MTRF1: variants seen among roughly 807,000 people sequenced by gnomAD.
The protein encoded by MTRF1 is peptide chain release factor 1, mitochondrial.
In MTRF1, 51 loss-of-function variants were observed where a neutral mutation model predicts 62.9. The observed-to-expected ratio is 0.81, with a 90% CI of 0.65 to 1.02. MTRF1 has a LOEUF of 1.02. MTRF1 is among the 50% of genes least tolerant of loss of function. MTRF1 has a pLI of 0.00. For missense variants in MTRF1, 446 were observed against 530.0 expected, an observed-to-expected ratio of 0.84 and a Z score of 1.56; for synonymous variants, 158 against 181.9, an observed-to-expected ratio of 0.87 and a Z score of 1.06.
At chr13:41,266,421 A>C (rs2048690788), upstream of MTRF1, among the ~76,000 whole-genome samples, 1 of 151,278 alleles carries the variant, frequency 6.6e-6, no homozygotes, top group African/African-American at 2.4e-5. Context: ...AGACCACCCT[A>C]GTCAACACGG....
At chr13:41,232,178 A>AT (rs1347427964) in intron 7 of MTRF1, among the ~76,000 whole-genome samples, 1 of 152,002 alleles carries the variant, frequency 6.6e-6, no homozygotes, top group African/African-American at 2.4e-5. Context: ...ACTAAAATTA[A>AT]TATCCTTCAG....
chr13:41,278,549 G>A, the MTRF1 span, among the ~76,000 whole-genome samples: 4 of 152,250 alleles, frequency 2.6e-5, no homozygotes, highest in African/African-American at 9.6e-5. Flanking sequence ...GTGTGAATTG[G>A]CCTTATGTTC....
At chr13:41,279,918 A>G in the MTRF1 span, among the ~76,000 whole-genome samples, 1 of 151,992 alleles carries the variant, frequency 6.6e-6, no homozygotes, top group East Asian at 1.9e-4. Flanking sequence ...CTGCAAAGTA[A>G]AATTTGGTCT....
At chr13:41,310,856 T>C in the MTRF1 span, among the ~76,000 whole-genome samples, 48 of 152,350 alleles carry the variant, frequency 3.2e-4, no homozygotes, top group African/African-American at 1.1e-3. Flanking sequence ...CAAAAAACTC[T>C]GACTCTTCAG....
At chr13:41,244,503 A>C (rs1351947945) in intron 5 of MTRF1, among the ~76,000 whole-genome samples, 4 of 152,304 alleles carry the variant, frequency 2.6e-5, no homozygotes, top group South Asian at 4.1e-4. Flanking sequence ...AGGCAGCCTC[A>C]AGGGTGGCCC....
the MTRF1 span, among the ~76,000 whole-genome samples, chr13:41,294,160 C>T: frequency 1.8e-4 from 28 of 152,070 alleles, no homozygotes; most frequent in African/African-American, 6.5e-4. Flanking sequence ...TGGCTTATAC[C>T]TGTAATCCCA....
the MTRF1 span, among the ~76,000 whole-genome samples, chr13:41,303,717 G>A: frequency 6.6e-6 from 1 of 152,166 alleles, no homozygotes; most frequent in Non-Finnish European, 1.5e-5. Flanking sequence ...TAGCCTCTAG[G>A]TTAACGGAAC....
chr13:41,262,381 A>C (rs2040567675), intron 1 of MTRF1: 1 of 152,048 alleles, frequency 6.6e-6, no homozygotes, highest in Non-Finnish European at 1.5e-5. Flanking sequence ...ATGTTAATAA[A>C]ATGATCTCTA....
chr13:41,294,822 T>C, the MTRF1 span, among the ~76,000 whole-genome samples: 5 of 152,196 alleles, frequency 3.3e-5, no homozygotes, highest in African/African-American at 1.2e-4. Flanking sequence ...TGGCTATAAT[T>C]AAAGGAAATT....
intron 7 of MTRF1, among the ~76,000 whole-genome samples, chr13:41,231,250 G>A (rs954144795): frequency 6.6e-6 from 1 of 152,220 alleles, no homozygotes; most frequent in Admixed American, 6.5e-5. Flanking sequence ...GCCCTGCTAA[G>A]TGCCAGAAAG....
the MTRF1 span, among the ~76,000 whole-genome samples, chr13:41,297,361 C>G: frequency 6.6e-6 from 1 of 152,170 alleles, no homozygotes; most frequent in African/African-American, 2.4e-5. Flanking sequence ...TTACAATCTC[C>G]AAGGTTTCAA....
chr13:41,271,091 A>ACAC, the MTRF1 span, among the ~76,000 whole-genome samples: 71 of 137,210 alleles, frequency 5.2e-4, no homozygotes, highest in African/African-American at 1.8e-3. Flanking sequence ...ACACACACAC[A>ACAC]CCCCATATAG....
chr13:41,256,467 C>T (rs1283672152), intron 2 of MTRF1, among the ~76,000 whole-genome samples: 1 of 151,966 alleles, frequency 6.6e-6, no homozygotes, highest in Non-Finnish European at 1.5e-5. Flanking sequence ...GTTGAGATTA[C>T]AGGCGCGCAC....
the MTRF1 span, among the ~76,000 whole-genome samples, chr13:41,289,325 C>T: frequency 2.0e-5 from 3 of 150,640 alleles, no homozygotes; most frequent in African/African-American, 7.3e-5. Flanking sequence ...GCACCCTCTG[C>T]CTCCTGGGTT....
the MTRF1 span, among the ~76,000 whole-genome samples, chr13:41,286,563 T>C: frequency 6.6e-6 from 1 of 152,212 alleles, no homozygotes; most frequent in South Asian, 2.1e-4. Context: ...ACCCATGACA[T>C]TTTTATTCAG....
intron 7 of MTRF1, among the ~76,000 whole-genome samples, chr13:41,230,105 G>GA (rs199955193): frequency 0.081 from 11,165 of 137,980 alleles, 556 homozygotes; most frequent in East Asian, 0.19. Flanking sequence ...CTCCATCTAA[G>GA]AAAAAAAAAA....
At chr13:41,249,459 T>C (rs1328671774) in intron 5 of MTRF1, among the ~76,000 whole-genome samples, 3 of 151,836 alleles carry the variant, frequency 2.0e-5, no homozygotes, top group Non-Finnish European at 4.4e-5. Flanking sequence ...GAGAATGGTG[T>C]GAACCTGGGA....
intron 2 of MTRF1, among the ~76,000 whole-genome samples, chr13:41,259,097 A>T (rs2040085022): frequency 6.6e-6 from 1 of 152,214 alleles, no homozygotes; most frequent in African/African-American, 2.4e-5. Flanking sequence ...GGATGGCAAT[A>T]ATTGAAAGGG....
At chr13:41,311,205 A>G in the MTRF1 span, 1 of 467,126 alleles carries the variant, frequency 2.1e-6, no homozygotes, top group Non-Finnish European at 3.8e-6. Flanking sequence ...GCCCCTCGCC[A>G]AAGGGCGCTC....
Sources: allele counts gnomAD v4.1 joint callset (sites outside exome capture counted in the v4.1 genomes callset), GRCh38; gene constraint gnomAD v4.1.1; transcripts MANE v1.5; gene names NCBI Gene and HGNC (gene_info 2026-07-23, HGNC 2026-07-21).